The following KAZN variants were observed in gnomAD, a reference collection of about 807,000 sequenced individuals.
KAZN encodes kazrin, periplakin interacting protein.
Under a neutral mutation model 87.4 loss-of-function variants are expected in KAZN, and 40 were observed. That is an observed-to-expected ratio of 0.46 (90% confidence interval 0.36 to 0.60). The LOEUF is 0.60. Among genes scored for constraint, KAZN ranks in the 20% least tolerant of loss-of-function variants. The probability of loss-of-function intolerance (pLI) is 0.00; values close to 1 mark genes in which losing one functional copy is unlikely to be tolerated. For missense variants in KAZN, 898 were observed against 1,073.9 expected (o/e 0.84, Z 2.29); for synonymous variants, 466 against 458.3 (o/e 1.02, Z -0.22).
In KAZN at chr1:14,736,254, G is replaced by GGTGTGTGT. The variant is rs528070001; in HGVS notation, c.226+137070_226+137077dup. Among the ~76,000 whole-genome samples, 1,139 of 115,248 alleles carry GGTGTGTGT rather than the reference G, an allele frequency of 9.9e-3. 8 individuals are homozygous for GGTGTGTGT. Among genetic ancestry groups the GGTGTGTGT allele is most frequent in the South Asian group, 0.015 (47 of 3,104 alleles). The allele number at this position is 115,248 out of a possible 152,430, so 75.6% of individuals were successfully genotyped here. A position where few individuals can be genotyped will look rare whatever the true frequency, so the allele number is the denominator to read the frequency against. ...TGTTGGGGCTCATGTGGGACTCAAG[G>GGTGTGTGT]GTGTGTGTGTGTGTGTGTGTGTGTG... is the stretch of plus-strand genomic sequence containing the variant. On this transcript the variant is annotated intron_variant, in intron 1 of 14. Coordinates refer to ENST00000376030, the MANE Select transcript of KAZN (RefSeq NM_201628.3).
At chr1:14,529,098 G>A (rs1437936894) in intron 2 of KAZN, among the ~76,000 whole-genome samples, 2 of 152,176 alleles carry the variant, frequency 1.3e-5, no homozygotes, top group Non-Finnish European at 2.9e-5. Context: ...GAGGTCAGGA[G>A]TTCGAGACCA....
chr1:14,588,931 T>A (rs1676019385), intron 2 of KAZN, among the ~76,000 whole-genome samples: 1 of 152,156 alleles, frequency 6.6e-6, no homozygotes, highest in African/African-American at 2.4e-5. Context: ...GCGGTCCCAG[T>A]GTTTTGAGGA....
At chr1:14,931,575 G>A (rs1235777450) in intron 1 of KAZN, among the ~76,000 whole-genome samples, 1 of 152,094 alleles carries the variant, frequency 6.6e-6, no homozygotes, top group African/African-American at 2.4e-5. Flanking sequence ...CAGCGGTCTG[G>A]GGTGCTTGCT....
At chr1:14,911,782 G>A (rs1338529768) in intron 1 of KAZN, among the ~76,000 whole-genome samples, 1 of 152,172 alleles carries the variant, frequency 6.6e-6, no homozygotes, top group African/African-American at 2.4e-5. Context: ...TGCTGGAGAT[G>A]ATAGGAGTAG....
In KAZN at chr1:14,087,994, GT is replaced by G. The variant is rs372871125; in HGVS notation, c.92-92427del. ...GAGTTGGGAAGTGTTCCCTCTTGCT[GT>G]TTTTTTTTTTTTTCTTGATGTATGA... is the stretch of plus-strand genomic sequence containing the variant. On this transcript the variant is annotated intron_variant, in intron 1 of 16. Transcript: ENST00000636203. 4.6e-3 allele frequency among the ~76,000 whole-genome samples: 621 copies of G among 134,936 alleles called. 3 individuals are homozygous for G. The highest frequency in any genetic ancestry group is 0.024 in the Middle Eastern group (6 of 254). 88.5% of individuals were successfully genotyped at this position (134,936 alleles called of 152,430 possible).
intron 2 of KAZN, among the ~76,000 whole-genome samples, chr1:14,404,635 T>C (rs1325190112): frequency 6.7e-6 from 1 of 150,302 alleles, no homozygotes; most frequent in Non-Finnish European, 1.5e-5. Context: ...AAGAAAAACT[T>C]AGAAATAATT....
In KAZN at chr1:14,795,494, T is replaced by C. The variant is rs1006028723; in HGVS notation, c.227-165190T>C. Reference sequence around the variant, plus strand: ...GTGGAGATGGATTTAAGAGGCTTTTTATCTTTGATGGATTCACAGATTTGC... The same window carrying C: ...GTGGAGATGGATTTAAGAGGCTTTTCATCTTTGATGGATTCACAGATTTGC... On this transcript the variant is annotated intron_variant, in intron 1 of 14. Transcript: ENST00000376030. 2.6e-5 allele frequency among the ~76,000 whole-genome samples: 4 copies of C among 152,348 alleles called. No homozygotes were observed. In the East Asian group the frequency reaches 7.7e-4, roughly 29 times the overall value.
At chr1:14,901,086 G>A (rs561266599) in intron 1 of KAZN, among the ~76,000 whole-genome samples, 1 of 152,328 alleles carries the variant, frequency 6.6e-6, no homozygotes, top group African/African-American at 2.4e-5. Flanking sequence ...AGAGACATCC[G>A]TGAGCATTTA....
intron 2 of KAZN, among the ~76,000 whole-genome samples, chr1:14,540,064 A>G (rs1672718667): frequency 6.6e-6 from 1 of 152,160 alleles, no homozygotes; most frequent in Non-Finnish European, 1.5e-5. Flanking sequence ...TCCAAAGGAG[A>G]CGAAATTGCT....
At chr1:14,799,351 A>G (rs943685774) in intron 1 of KAZN, among the ~76,000 whole-genome samples, 17 of 152,358 alleles carry the variant, frequency 1.1e-4, no homozygotes, top group African/African-American at 4.1e-4. Flanking sequence ...CTCTTCATCC[A>G]GAAAGGCTTC....
chr1:14,570,713 G>A (rs1436328429), intron 2 of KAZN, among the ~76,000 whole-genome samples: 2 of 152,154 alleles, frequency 1.3e-5, no homozygotes, highest in Non-Finnish European at 2.9e-5. Flanking sequence ...GTGTTTGTGT[G>A]GACGTATGTT....
At chr1:13,965,726 G>T (rs1048018708) in intron 1 of KAZN, among the ~76,000 whole-genome samples, 1 of 152,188 alleles carries the variant, frequency 6.6e-6, no homozygotes, top group Admixed American at 6.5e-5. Context: ...GTCAAGGAGG[G>T]CTGGAGCTGC....
chr1:13,940,315 C>T (rs1464277214), intron 1 of KAZN, among the ~76,000 whole-genome samples: 2 of 151,574 alleles, frequency 1.3e-5, no homozygotes, highest in South Asian at 4.1e-4. Flanking sequence ...TTTAATTTCA[C>T]ACTTGTTATT....
chr1:14,177,633 C>T (rs911088336), intron 1 of KAZN, among the ~76,000 whole-genome samples: 4 of 152,064 alleles, frequency 2.6e-5, no homozygotes, highest in African/African-American at 9.7e-5. Flanking sequence ...AGAAGGCTGA[C>T]ATTGTTTTTT....
At chr1:14,415,463 G>T (rs1313923314) in intron 2 of KAZN, among the ~76,000 whole-genome samples, 1 of 152,102 alleles carries the variant, frequency 6.6e-6, no homozygotes, top group African/African-American at 2.4e-5. Flanking sequence ...ACCTTTTTGG[G>T]TGCTCCAGCT....
intron 1 of KAZN, among the ~76,000 whole-genome samples, chr1:14,173,513 GA>G (rs1347710414): frequency 1.3e-5 from 2 of 152,068 alleles, no homozygotes; most frequent in Non-Finnish European, 2.9e-5. Context: ...AATCCCAATT[GA>G]AAAAGAGGCC....
At chr1:13,914,788 A>G (rs1639782147) in intron 1 of KAZN, among the ~76,000 whole-genome samples, 1 of 152,228 alleles carries the variant, frequency 6.6e-6, no homozygotes, top group Admixed American at 6.5e-5. Context: ...CCAGGAGCCC[A>G]GAGTGAACTT....
intron 2 of KAZN, among the ~76,000 whole-genome samples, chr1:14,977,281 A>G (rs1370185690): frequency 1.3e-5 from 2 of 152,180 alleles, no homozygotes; most frequent in Non-Finnish European, 1.5e-5. Context: ...GGCTGGGAAA[A>G]GAGGGACGTA....
intron 2 of KAZN, among the ~76,000 whole-genome samples, chr1:14,282,656 A>T (rs552538634): frequency 6.6e-5 from 10 of 152,304 alleles, no homozygotes; most frequent in African/African-American, 2.4e-4. Context: ...GGAGCTCAGC[A>T]TGGTGTACCT....
Sources: gnomAD v4.1 joint callset for allele counts (sites outside exome capture counted in the v4.1 genomes callset) on GRCh38, gnomAD v4.1.1 for gene constraint, MANE v1.5 for transcripts, NCBI Gene and HGNC (gene_info 2026-07-23, HGNC 2026-07-21) for gene names.